PPP2CA: variants seen among roughly 807,000 people sequenced by gnomAD.
PPP2CA encodes protein phosphatase 2 catalytic subunit alpha.
A neutral mutation model predicts 38.8 loss-of-function variants in PPP2CA; 5 were observed. The observed-to-expected ratio is 0.13, with a 90% CI of 0.07 to 0.27. The LOEUF (loss-of-function observed/expected upper bound fraction) is 0.27, where lower values mean the gene tolerates loss of function less well. PPP2CA is among the 10% of genes least tolerant of loss of function. The probability of loss-of-function intolerance (pLI) is 1.00; values close to 1 mark genes in which losing one functional copy is unlikely to be tolerated. For synonymous variants in PPP2CA, 152 were observed against 134.0 expected (o/e 1.13, Z -0.93); for missense variants, 88 against 389.7 (o/e 0.23, Z 6.52).
intron 1 of PPP2CA, among the ~76,000 whole-genome samples, chr5:134,212,380 C>A (rs1407487718): frequency 1.3e-5 from 2 of 152,248 alleles, no homozygotes; most frequent in South Asian, 2.1e-4. Context: ...GATCAGTGAT[C>A]TTTGATGTTA....
At chr5:134,222,126 C>T (rs1165056765) in intron 1 of PPP2CA, among the ~76,000 whole-genome samples, 3 of 152,170 alleles carry the variant, frequency 2.0e-5, no homozygotes, top group Non-Finnish European at 2.9e-5. Context: ...AATCCACAAG[C>T]CTTGGCAATC....
chr5:134,220,447 ACT>A (rs371547600), intron 1 of PPP2CA, among the ~76,000 whole-genome samples: 165 of 74,118 alleles, frequency 2.2e-3, no homozygotes, highest in African/African-American at 8.4e-3. Flanking sequence ...CGACTGTGAG[ACT>A]CTATCTCAAA....
At chr5:134,204,991 G>A (rs1762048580) in intron 2 of PPP2CA, among the ~76,000 whole-genome samples, 1 of 149,526 alleles carries the variant, frequency 6.7e-6, no homozygotes, top group African/African-American at 2.5e-5. Flanking sequence ...AGAGTGTAGG[G>A]TGGCAAGATC....
chr5:134,212,059 C>CA (rs1185606245), intron 1 of PPP2CA, among the ~76,000 whole-genome samples: 1 of 152,140 alleles, frequency 6.6e-6, no homozygotes, highest in African/African-American at 2.4e-5. Context: ...GGCGAGGTTG[C>CA]AGTGAGCGGA....
chr5:134,219,539 T>A (rs1561743376), intron 1 of PPP2CA, among the ~76,000 whole-genome samples: 1 of 152,154 alleles, frequency 6.6e-6, no homozygotes, highest in Non-Finnish European at 1.5e-5. Context: ...ACTAAATGAC[T>A]AAACTAAGGC....
Position 134,199,121 on chromosome 5 carries a change from T to G in PPP2CA, c.822A>C (p.Ala274=), listed in dbSNP as rs756668978. The change falls in exon 6 of 7, where the codon GCA becomes GCC. Residue 274 remains alanine (A), a synonymous_variant. Coordinates refer to ENST00000481195, the MANE Select transcript of PPP2CA (RefSeq NM_002715.4). ...NYCYRCGNQA[A]IMELDDTLKY... Reference sequence around the variant, plus strand: ...TTAGAGTATCGTCAAGTTCCATGATTGCAGCTTGGTTACCACAACGATAAC... The same window carrying G: ...TTAGAGTATCGTCAAGTTCCATGATGGCAGCTTGGTTACCACAACGATAAC... The G allele has an allele frequency of 1.3e-5, 21 of 1,613,684 alleles. No individual in the cohort carries two copies. The highest frequency in any genetic ancestry group is 1.7e-5 in the Non-Finnish European group (20 of 1,179,688).
chr5:134,199,994 T>A (rs1461497275), intron 5 of PPP2CA, among the ~76,000 whole-genome samples: 2 of 152,232 alleles, frequency 1.3e-5, no homozygotes, highest in African/African-American at 4.8e-5. Context: ...TTCCAGTCTC[T>A]CCTACATACA....
In PPP2CA at chr5:134,197,764, A is replaced by C. The variant is rs1761885788; in HGVS notation, c.*8T>G. The stretch of plus-strand genomic sequence containing the variant: ...TTCATGGCAATACTGTACAAGTTTA[A>C]AATTTCATTACAGGAAGTAGTCTGG... On this transcript the variant is annotated 3_prime_UTR_variant, in exon 7 of 7. Transcript: ENST00000481195. 1 of 1,611,564 alleles carries C rather than the reference A, an allele frequency of 6.2e-7. No homozygotes were observed. The highest frequency in any genetic ancestry group is 8.5e-7 in the Non-Finnish European group (1 of 1,177,740).
chr5:134,198,128 C>A (rs191808195), intron 6 of PPP2CA, among the ~76,000 whole-genome samples: 286 of 152,272 alleles, frequency 1.9e-3, no homozygotes, highest in African/African-American at 6.5e-3. Context: ...CAGTGGCTCA[C>A]GCCTGTAATC....
At chr5:134,208,587 G>A (rs757803354) in intron 1 of PPP2CA, among the ~76,000 whole-genome samples, 7 of 152,074 alleles carry the variant, frequency 4.6e-5, no homozygotes, top group South Asian at 4.1e-4. Flanking sequence ...TAATCCTATC[G>A]TAAATATAAT....
Position 134,196,051 on chromosome 5 carries a change from A to C in PPP2CA, c.*1721T>G, listed in dbSNP as rs1363422408. The C allele has an allele frequency of 6.6e-6, 1 of 152,246 alleles. No individual in the cohort carries two copies. The allele number at this position is 152,246 out of a possible 1,614,324, so 9.4% of individuals were successfully genotyped here. A position where few individuals can be genotyped will look rare whatever the true frequency, so the allele number is the denominator to read the frequency against. On this transcript the variant is annotated 3_prime_UTR_variant, in exon 7 of 7. Coordinates refer to ENST00000481195, the MANE Select transcript of PPP2CA (RefSeq NM_002715.4). ...TAGAGTGACAGAGCAACAAAAAGAC[A>C]CACAGAGAATGTATTTCTTGTGAAA...
intron 1 of PPP2CA, among the ~76,000 whole-genome samples, chr5:134,209,249 T>G (rs1264401882): frequency 6.8e-6 from 1 of 147,750 alleles, no homozygotes; most frequent in Non-Finnish European, 1.5e-5. Context: ...TGGTATACAG[T>G]AGAAGCAACC....
chr5:134,204,390 C>T (rs1013349941), intron 2 of PPP2CA, among the ~76,000 whole-genome samples: 3 of 152,240 alleles, frequency 2.0e-5, no homozygotes, highest in African/African-American at 7.2e-5. Flanking sequence ...GTACACTTTG[C>T]AAAGCTACAA....
At chr5:134,214,580 T>C (rs192219136) in intron 1 of PPP2CA, among the ~76,000 whole-genome samples, 11 of 152,168 alleles carry the variant, frequency 7.2e-5, no homozygotes, top group Admixed American at 7.2e-4. Context: ...ATCACTAATT[T>C]AATTGGCATT....
intron 1 of PPP2CA, among the ~76,000 whole-genome samples, chr5:134,215,208 T>C (rs921402596): frequency 2.6e-5 from 4 of 152,052 alleles, no homozygotes; most frequent in Non-Finnish European, 4.4e-5. Context: ...AGCAATCCTC[T>C]TGCCTCAGCC....
chr5:134,216,951 A>G (rs1464139167), intron 1 of PPP2CA, among the ~76,000 whole-genome samples: 2 of 152,232 alleles, frequency 1.3e-5, no homozygotes, highest in African/African-American at 4.8e-5. Context: ...TATTTGACAA[A>G]GGAATCTCCA....
Position 134,225,915 on chromosome 5 carries a change from C to T in PPP2CA, c.-54G>A. ...TCCGCGCTGCTCCCGCGCCGCCGCC[C>T]GCACACGGGCCTACACGCACACGCC... On this transcript the variant is annotated 5_prime_UTR_variant, in exon 1 of 7. Coordinates refer to ENST00000481195, the MANE Select transcript of PPP2CA (RefSeq NM_002715.4). 3 of 1,535,332 alleles carry T rather than the reference C, an allele frequency of 2.0e-6. No homozygotes were observed. In the South Asian group the frequency reaches 3.4e-5, roughly 17 times the overall value.
chr5:134,198,317 C>T (rs1246990711), intron 6 of PPP2CA, among the ~76,000 whole-genome samples: 1 of 151,834 alleles, frequency 6.6e-6, no homozygotes, highest in African/African-American at 2.4e-5. Flanking sequence ...GGTGTGAACC[C>T]GGGAGGCAGA....
intron 1 of PPP2CA, among the ~76,000 whole-genome samples, chr5:134,212,892 A>G (rs1043092818): frequency 6.6e-6 from 1 of 152,222 alleles, no homozygotes; most frequent in Non-Finnish European, 1.5e-5. Context: ...TAATTCTTCA[A>G]TTCTATAAAG....
Sources: allele counts gnomAD v4.1 joint callset (sites outside exome capture counted in the v4.1 genomes callset), GRCh38; gene constraint gnomAD v4.1.1; transcripts MANE v1.5; gene names NCBI Gene and HGNC (gene_info 2026-07-23, HGNC 2026-07-21).